Variants in RNGTT observed in about 807,000 individuals in gnomAD.
The protein encoded by RNGTT is mRNA-capping enzyme.
RNGTT carries 33 observed loss-of-function variants against 79.3 expected under a neutral mutation model. The observed-to-expected ratio is 0.42, with a 90% CI of 0.32 to 0.56. The LOEUF (loss-of-function observed/expected upper bound fraction) is 0.56. Among genes scored for constraint, RNGTT ranks in the 20% least tolerant of loss-of-function variants. The pLI is 0.17. For synonymous variants in RNGTT, 222 were observed against 235.9 expected (o/e 0.94, Z 0.54); for missense variants, 497 against 739.1 (o/e 0.67, Z 3.80).
Position 88,904,721 on chromosome 6 carries a change from T to A in RNGTT, c.678A>T (p.Leu226Phe). The A allele has an allele frequency of 6.2e-7, 1 of 1,612,994 alleles. No individual in the cohort carries two copies. Among genetic ancestry groups the A allele is most frequent in the South Asian group, 1.1e-5 (1 of 90,784 alleles). ...TAATATTTTTAAACATTACCAGTTT[T>A]AACCGTTCTTTTCTCCTTTTGCCAA... ...ASFGKRRKER[L>F]KLGAIFLEGV... The change falls in exon 6 of 16, where the codon TTA becomes TTT. Residue 226 changes from leucine to phenylalanine, a missense_variant. Around this residue, in one of 3 missense-constraint regions of RNGTT, gnomAD observed 440 missense variants for 671.5 expected, o/e 0.66. Coordinates refer to ENST00000369485, the MANE Select transcript of RNGTT (RefSeq NM_003800.5).
At chr6:88,768,854 A>C (rs938355718) in intron 13 of RNGTT, among the ~76,000 whole-genome samples, 1 of 152,134 alleles carries the variant, frequency 6.6e-6, no homozygotes, top group African/African-American at 2.4e-5. Context: ...GCAACCAAAA[A>C]GTCATAAAAG....
chr6:88,734,038 C>T (rs1035063510), intron 13 of RNGTT, among the ~76,000 whole-genome samples: 1 of 152,122 alleles, frequency 6.6e-6, no homozygotes, highest in Non-Finnish European at 1.5e-5. Flanking sequence ...GAATAAATGA[C>T]GGTAATATAA....
At position 88,745,448 on chromosome 6, in the gene RNGTT, A is replaced by G. The variant is rs141211272; in HGVS notation, c.1439+24326T>C. Reference sequence around the variant, plus strand: ...ACAAGTTATTACAACAAAAGGATGCACAGAAAATCAGCAAAGGGAAAAGAC... The same window carrying G: ...ACAAGTTATTACAACAAAAGGATGCGCAGAAAATCAGCAAAGGGAAAAGAC... On this transcript the variant is annotated intron_variant, in intron 13 of 15. Coordinates refer to ENST00000369485, the MANE Select transcript of RNGTT (RefSeq NM_003800.5). 2.5e-3 allele frequency among the ~76,000 whole-genome samples: 387 copies of G among 152,334 alleles called. 1 individual carries two copies. The highest frequency in any genetic ancestry group is 8.9e-3 in the African/African-American group (370 of 41,578).
chr6:88,866,274 G>A (rs1183778149), intron 8 of RNGTT, among the ~76,000 whole-genome samples: 1 of 152,046 alleles, frequency 6.6e-6, no homozygotes, highest in Non-Finnish European at 1.5e-5. Context: ...GGGTTCTTAT[G>A]TAGTCCCATA....
chr6:88,900,038 C>T (rs1173275937), intron 6 of RNGTT, among the ~76,000 whole-genome samples: 1 of 151,794 alleles, frequency 6.6e-6, no homozygotes, highest in African/African-American at 2.4e-5. Flanking sequence ...AAAGTAAATC[C>T]TCTCTAAAGA....
intron 13 of RNGTT, among the ~76,000 whole-genome samples, chr6:88,725,442 A>C (rs1260278025): frequency 6.6e-6 from 1 of 152,250 alleles, no homozygotes; most frequent in Non-Finnish European, 1.5e-5. Context: ...AGACATACCA[A>C]GGAGAGAGAA....
In RNGTT at chr6:88,963,415, G is replaced by A. The variant is rs1785715987; in HGVS notation, c.-6C>T. 5.6e-6 allele frequency: 9 copies of A among 1,593,266 alleles called. No individual in the cohort carries two copies. Among genetic ancestry groups the A allele is most frequent in the Non-Finnish European group, 7.7e-6 (9 of 1,168,634 alleles). ...GGGATCTTGTTGTGAGCCATGTCTTGGGGCTGCGCAGAGCTGCCCTCCCTC... is the reference window on the plus strand; with the variant it reads ...GGGATCTTGTTGTGAGCCATGTCTTAGGGCTGCGCAGAGCTGCCCTCCCTC... On this transcript the variant is annotated 5_prime_UTR_variant, in exon 1 of 16. Coordinates refer to ENST00000369485, the MANE Select transcript of RNGTT (RefSeq NM_003800.5).
chr6:88,864,287 A>G (rs1187380918), intron 8 of RNGTT, among the ~76,000 whole-genome samples: 2 of 152,110 alleles, frequency 1.3e-5, no homozygotes, highest in Non-Finnish European at 2.9e-5. Context: ...AATCCAGCTT[A>G]AGGAGTTTCA....
chr6:88,772,430 A>G (rs1046398465), intron 12 of RNGTT, among the ~76,000 whole-genome samples: 1 of 152,200 alleles, frequency 6.6e-6, no homozygotes, highest in Non-Finnish European at 1.5e-5. Flanking sequence ...GTGCTCTTCA[A>G]ATTCAAGTAA....
intron 8 of RNGTT, among the ~76,000 whole-genome samples, chr6:88,890,056 G>A (rs190460523): frequency 2.6e-4 from 40 of 152,254 alleles, no homozygotes; most frequent in Non-Finnish European, 1.9e-4. Flanking sequence ...AACCTTGCGA[G>A]TATATAAAGA....
chr6:88,935,581 T>C (rs1784641209), intron 2 of RNGTT, among the ~76,000 whole-genome samples: 1 of 152,152 alleles, frequency 6.6e-6, no homozygotes, highest in Admixed American at 6.6e-5. Context: ...ATTAAAAAGT[T>C]AGGAGTTTTT....
chr6:88,725,774 G>A (rs571214663), intron 13 of RNGTT, among the ~76,000 whole-genome samples: 2 of 152,242 alleles, frequency 1.3e-5, no homozygotes, highest in South Asian at 2.1e-4. Flanking sequence ...TTTCTTCTCA[G>A]GGGAAGAAAG....
chr6:88,666,573 A>G (rs571201641), intron 14 of RNGTT, among the ~76,000 whole-genome samples: 2 of 152,334 alleles, frequency 1.3e-5, no homozygotes, highest in East Asian at 1.9e-4. Context: ...GTTTGTAACA[A>G]TGAACCCCGC....
At chr6:88,929,290 G>T (rs749877377) in intron 2 of RNGTT, 23 bp from the exon 3 acceptor site, 1 of 1,353,296 alleles carries the variant, frequency 7.4e-7, no homozygotes, top group South Asian at 1.2e-5. Context: ...AAAAATGAAA[G>T]GGCAAATTTA....
intron 14 of RNGTT, among the ~76,000 whole-genome samples, chr6:88,672,284 C>CAT (rs1028699670): frequency 3.3e-5 from 5 of 151,068 alleles, no homozygotes; most frequent in South Asian, 2.1e-4. Context: ...AATGTATACA[C>CAT]ATATATATAC....
intron 2 of RNGTT, among the ~76,000 whole-genome samples, chr6:88,937,207 G>A (rs939918611): frequency 3.9e-5 from 6 of 151,962 alleles, no homozygotes; most frequent in Admixed American, 6.6e-5. Context: ...TTAGCCAGGC[G>A]CAGTGGCACA....
At chr6:88,931,024 T>C (rs1385314602) in intron 2 of RNGTT, among the ~76,000 whole-genome samples, 2 of 152,090 alleles carry the variant, frequency 1.3e-5, no homozygotes, top group African/African-American at 4.8e-5. Flanking sequence ...ATTTGCATTA[T>C]ACTTACAGGT....
chr6:88,946,790 G>C (rs907386266), intron 1 of RNGTT, among the ~76,000 whole-genome samples: 1 of 146,732 alleles, frequency 6.8e-6, no homozygotes. Flanking sequence ...GAATGCCTGC[G>C]ATTGCAGGCA....
chr6:88,885,458 A>G (rs145069616), intron 8 of RNGTT, among the ~76,000 whole-genome samples: 322 of 152,316 alleles, frequency 2.1e-3, no homozygotes, highest in African/African-American at 7.3e-3. Context: ...ATACGTGTCT[A>G]TGAGTCCACA....
Sources: allele counts gnomAD v4.1 joint callset (sites outside exome capture counted in the v4.1 genomes callset), GRCh38; gene constraint gnomAD v4.1.1; regional missense constraint gnomAD v4.1.1; transcripts MANE v1.5; gene names NCBI Gene and HGNC (gene_info 2026-07-23, HGNC 2026-07-21).